Variants in AUTS2 observed in about 807,000 individuals in gnomAD.
AUTS2 encodes the protein autism susceptibility gene 2 protein.
Under a neutral mutation model 112.4 loss-of-function variants are expected in AUTS2, and 17 were observed. That is an observed-to-expected ratio of 0.15 (90% CI 0.10 to 0.23). The LOEUF (loss-of-function observed/expected upper bound fraction) is 0.23. Among genes scored for constraint, AUTS2 ranks in the 10% least tolerant of loss-of-function variants. The pLI is 1.00. For missense variants in AUTS2, 1,510 were observed against 1,701.6 expected, an observed-to-expected ratio of 0.89 and a Z score of 1.98; for synonymous variants, 751 against 702.7, an observed-to-expected ratio of 1.07 and a Z score of -1.09.
chr7:70,478,379 G>A (rs1425433066), intron 5 of AUTS2, among the ~76,000 whole-genome samples: 1 of 151,978 alleles, frequency 6.6e-6, no homozygotes, highest in Non-Finnish European at 1.5e-5. Flanking sequence ...TCCCATTCAG[G>A]TGCTTGCTTT....
At chr7:69,745,798 T>G (rs1787467959) in intron 1 of AUTS2, among the ~76,000 whole-genome samples, 1 of 152,154 alleles carries the variant, frequency 6.6e-6, no homozygotes, top group African/African-American at 2.4e-5. Context: ...TTTTGAGTAT[T>G]CTGTGTGGGT....
intron 1 of AUTS2, among the ~76,000 whole-genome samples, chr7:69,894,781 T>A (rs1397522102): frequency 6.6e-6 from 1 of 152,214 alleles, no homozygotes; most frequent in African/African-American, 2.4e-5. Context: ...TCCTTAGGCC[T>A]AAATAGCATG....
intron 2 of AUTS2, among the ~76,000 whole-genome samples, chr7:69,969,899 T>C (rs1261358667): frequency 6.6e-6 from 1 of 152,164 alleles, no homozygotes; most frequent in African/African-American, 2.4e-5. Flanking sequence ...ATCCATCTCC[T>C]AGTTTATCAT....
rs1032238238 is a variant in AUTS2, at chr7:70,302,611, G to A, written c.661-133141G>A. On this transcript the variant is annotated intron_variant, in intron 4 of 18. Coordinates refer to ENST00000342771, the MANE Select transcript of AUTS2 (RefSeq NM_015570.4). The stretch of plus-strand genomic sequence containing the variant: ...TGTCCTTTTGCTCTTATCCTACCTG[G>A]CCATCTATCCACCATTTATCTAGTA... Among the ~76,000 whole-genome samples, 8 of 151,260 alleles carry A rather than the reference G, an allele frequency of 5.3e-5. No individual in the cohort carries two copies. In the South Asian group the frequency reaches 8.4e-4, roughly 16 times the overall value.
intron 4 of AUTS2, among the ~76,000 whole-genome samples, chr7:70,430,339 G>A (rs546667337): frequency 3.5e-4 from 53 of 152,210 alleles, no homozygotes; most frequent in African/African-American, 1.3e-3. Flanking sequence ...CTTCAACAGG[G>A]GGCACATACC....
At chr7:70,468,969 G>A (rs1797271931) in intron 5 of AUTS2, among the ~76,000 whole-genome samples, 4 of 152,184 alleles carry the variant, frequency 2.6e-5, no homozygotes, top group Admixed American at 2.0e-4. Context: ...CTACAGTTTC[G>A]TCACGGGACT....
chr7:69,770,793 G>C (rs1336620495), intron 1 of AUTS2, among the ~76,000 whole-genome samples: 5 of 137,336 alleles, frequency 3.6e-5, no homozygotes, highest in Non-Finnish European at 8.1e-5. Context: ...ACTTCCGCTT[G>C]CTTTTTTTCC....
chr7:70,543,362 C>G, intron 5 of AUTS2, among the ~76,000 whole-genome samples: 1 of 151,852 alleles, frequency 6.6e-6, no homozygotes, highest in Non-Finnish European at 1.5e-5. Context: ...ATTAGCCAGG[C>G]ACCTATAATC....
intron 2 of AUTS2, among the ~76,000 whole-genome samples, chr7:69,914,812 A>T (rs1459071101): frequency 6.6e-6 from 1 of 152,084 alleles, no homozygotes; most frequent in Non-Finnish European, 1.5e-5. Flanking sequence ...TTTAGTATCA[A>T]TGCATGAATA....
chr7:70,233,009 A>G (rs919303434), intron 4 of AUTS2, among the ~76,000 whole-genome samples: 1 of 152,226 alleles, frequency 6.6e-6, no homozygotes, highest in Non-Finnish European at 1.5e-5. Context: ...TGCAATTCAC[A>G]TATTAGTAGT....
intron 4 of AUTS2, among the ~76,000 whole-genome samples, chr7:70,399,441 A>G (rs1244295884): frequency 6.6e-6 from 1 of 151,968 alleles, no homozygotes; most frequent in Admixed American, 6.6e-5. Context: ...TTTCTTATAT[A>G]AATTCTCATC....
Position 70,482,050 on chromosome 7 carries a change from G to A in AUTS2, c.690+46269G>A, listed in dbSNP as rs546222318. On this transcript the variant is annotated intron_variant, in intron 5 of 18. Coordinates refer to ENST00000342771, the MANE Select transcript of AUTS2 (RefSeq NM_015570.4). ...GGGAATATTTATGAGGTTAAAGTCC[G>A]TAGGCTTGAGCAAAAGACCTAACCT... Among the ~76,000 whole-genome samples the A allele has an allele frequency of 5.5e-4, 83 of 152,276 alleles. 2 individuals are homozygous for A. The highest frequency in any genetic ancestry group is 9.0e-4 in the Non-Finnish European group (61 of 68,020).
At chr7:70,003,246 TATATATGAATATATA>T (rs1302516104) in intron 2 of AUTS2, among the ~76,000 whole-genome samples, 1,953 of 123,392 alleles carry the variant, frequency 0.016, 61 homozygotes, top group African/African-American at 0.059. Flanking sequence ...ATGAATATAT[TATATATGAATATATA>T]ATATATTATA....
chr7:70,607,962 C>T (rs1275030759), intron 5 of AUTS2, among the ~76,000 whole-genome samples: 1 of 152,158 alleles, frequency 6.6e-6, no homozygotes, highest in Non-Finnish European at 1.5e-5. Flanking sequence ...CTCATTTCTA[C>T]AAATAGTCAT....
intron 16 of AUTS2, chr7:70,785,363 C>A (rs1434540414): frequency 1.8e-6 from 1 of 541,976 alleles, no homozygotes. Flanking sequence ...GAGCTCTTGC[C>A]CCATAGCAAA....
In AUTS2 at chr7:69,714,855, C is replaced by T. The variant is rs577498534; in HGVS notation, c.309+114893C>T. Reference sequence around the variant, plus strand: ...ACAGTCATTCTCCATTTATTTTGGTCTTTCTGTAAATTTTTTAGCAGTATT... The same window carrying T: ...ACAGTCATTCTCCATTTATTTTGGTTTTTCTGTAAATTTTTTAGCAGTATT... On this transcript the variant is annotated intron_variant, in intron 1 of 18. Coordinates refer to ENST00000342771, the MANE Select transcript of AUTS2 (RefSeq NM_015570.4). 2.9e-3 allele frequency among the ~76,000 whole-genome samples: 443 copies of T among 152,064 alleles called. 5 individuals carry two copies. Among genetic ancestry groups the T allele is most frequent in the African/African-American group, 0.01 (429 of 41,478 alleles).
intron 2 of AUTS2, among the ~76,000 whole-genome samples, chr7:69,900,746 G>A (rs1481987328): frequency 6.6e-6 from 1 of 152,172 alleles, no homozygotes; most frequent in East Asian, 1.9e-4. Flanking sequence ...CATCTGGGGT[G>A]ATGGGTTTCA....
chr7:69,615,374 C>T (rs1021287268), intron 1 of AUTS2, among the ~76,000 whole-genome samples: 2 of 152,138 alleles, frequency 1.3e-5, no homozygotes, highest in Admixed American at 6.5e-5. Context: ...ATGATCTTGG[C>T]CTACTGCAAC....
chr7:70,290,651 T>G, intron 4 of AUTS2: 1 of 1,372,330 alleles, frequency 7.3e-7, no homozygotes, highest in Non-Finnish European at 9.3e-7. Context: ...TAACCTTCAT[T>G]TGTTTCTCTT....
Sources: gnomAD v4.1 joint callset for allele counts (sites outside exome capture counted in the v4.1 genomes callset) on GRCh38, gnomAD v4.1.1 for gene constraint, MANE v1.5 for transcripts, NCBI Gene and HGNC (gene_info 2026-07-23, HGNC 2026-07-21) for gene names.